Variants in LNP1 observed in about 807,000 individuals in gnomAD.
LNP1 encodes leukemia NUP98 fusion partner 1.
Under a neutral mutation model 14.5 loss-of-function variants are expected in LNP1, and 12 were observed. The observed-to-expected ratio is 0.83, with a 90% CI of 0.53 to 1.34. LNP1 has a LOEUF of 1.34. LNP1 is among the 40% of genes most tolerant of loss of function. The pLI is 0.00. For synonymous variants in LNP1, 75 were observed against 71.4 expected (o/e 1.05, Z -0.26); for missense variants, 198 against 210.9 (o/e 0.94, Z 0.38).
intron 1 of LNP1, among the ~76,000 whole-genome samples, chr3:100,422,241 T>C (rs1232201771): frequency 6.9e-6 from 1 of 145,762 alleles, no homozygotes; most frequent in Non-Finnish European, 1.5e-5. Flanking sequence ...TGGAGTGAAG[T>C]GGCATGATCT....
intron 2 of LNP1, among the ~76,000 whole-genome samples, chr3:100,449,338 T>C (rs1425932996): frequency 6.6e-6 from 1 of 152,224 alleles, no homozygotes; most frequent in African/African-American, 2.4e-5. Flanking sequence ...GTAACTATTT[T>C]AGTAATAAAT....
At chr3:100,435,317 G>T (rs73150369) in intron 2 of LNP1, among the ~76,000 whole-genome samples, 29,350 of 152,038 alleles carry the variant, frequency 0.19, 3,424 homozygotes, top group Non-Finnish European at 0.26. Context: ...CTGGCCTCCC[G>T]TGTTCTTCAT....
At chr3:100,436,472 C>T (rs1469091581) in intron 2 of LNP1, among the ~76,000 whole-genome samples, 5 of 151,772 alleles carry the variant, frequency 3.3e-5, no homozygotes, top group African/African-American at 1.2e-4. Flanking sequence ...AGATGCTTTC[C>T]CTCTCTCTTT....
chr3:100,448,864 C>T (rs1405380727), intron 2 of LNP1, among the ~76,000 whole-genome samples: 2 of 152,016 alleles, frequency 1.3e-5, no homozygotes, highest in South Asian at 2.1e-4. Flanking sequence ...TTCATAAAAC[C>T]GTTTTTTTTC....
At chr3:100,453,690 C>T (rs547184830) in intron 3 of LNP1, among the ~76,000 whole-genome samples, 32 of 152,080 alleles carry the variant, frequency 2.1e-4, no homozygotes, top group Middle Eastern at 3.4e-3. Flanking sequence ...ACAAAGAATT[C>T]CCATACACCC....
At chr3:100,444,768 C>A (rs1208919656) in intron 2 of LNP1, among the ~76,000 whole-genome samples, 2 of 152,152 alleles carry the variant, frequency 1.3e-5, no homozygotes, top group Non-Finnish European at 2.9e-5. Context: ...ATAAAAACTG[C>A]ATGAAGCCAA....
chr3:100,454,916 C>A (rs971607231), intron 3 of LNP1, among the ~76,000 whole-genome samples: 2 of 152,160 alleles, frequency 1.3e-5, no homozygotes, highest in African/African-American at 4.8e-5. Flanking sequence ...CCCAACATTT[C>A]TAGTTCAAAC....
chr3:100,434,259 G>T (rs978446615), intron 2 of LNP1, among the ~76,000 whole-genome samples: 4 of 152,080 alleles, frequency 2.6e-5, no homozygotes, highest in Admixed American at 2.6e-4. Flanking sequence ...GTAAGGAAGG[G>T]GTCCAGTTTC....
chr3:100,426,059 G>T lies in LNP1; in HGVS notation c.-33-3638G>T, dbSNP rs868133877. 1.4e-4 allele frequency among the ~76,000 whole-genome samples: 22 copies of T among 152,270 alleles called. No homozygotes were observed. The Middle Eastern group carries it at 0.01, about 71-fold the overall frequency. On this transcript the variant is annotated intron_variant, in intron 1 of 3. Coordinates refer to ENST00000383693, the MANE Select transcript of LNP1 (RefSeq NM_001085451.2). ...CCTATCTGTCAGGAGTGGATGGAGGGGTCCCACTCTCTGTGATGTGCTCTC... is the reference window on the plus strand; with the variant it reads ...CCTATCTGTCAGGAGTGGATGGAGGTGTCCCACTCTCTGTGATGTGCTCTC...
intron 1 of LNP1, among the ~76,000 whole-genome samples, chr3:100,414,005 G>A (rs1707056526): frequency 6.6e-6 from 1 of 151,736 alleles, no homozygotes; most frequent in Admixed American, 6.6e-5. Context: ...ACCCAATTTT[G>A]TCAAATTTTG....
intron 1 of LNP1, among the ~76,000 whole-genome samples, chr3:100,404,947 C>T (rs1706949106): frequency 6.6e-6 from 1 of 151,980 alleles, no homozygotes; most frequent in African/African-American, 2.4e-5. Context: ...CGCCCGCCAC[C>T]ACACCTGGAT....
chr3:100,431,830 A>C (rs1161933702), intron 2 of LNP1, among the ~76,000 whole-genome samples: 3 of 127,424 alleles, frequency 2.4e-5, no homozygotes, highest in Non-Finnish European at 4.8e-5. Context: ...CCGTCTCTCA[A>C]AAAAAAAAAA....
intron 3 of LNP1, among the ~76,000 whole-genome samples, chr3:100,455,219 A>T (rs1462456327): frequency 6.6e-6 from 1 of 152,196 alleles, no homozygotes; most frequent in African/African-American, 2.4e-5. Flanking sequence ...ATTTAGTGTT[A>T]TATCTCCTGA....
At chr3:100,406,963 ACTTC>A (rs1706974710) in intron 1 of LNP1, among the ~76,000 whole-genome samples, 1 of 152,188 alleles carries the variant, frequency 6.6e-6, no homozygotes, top group South Asian at 2.1e-4. Context: ...CTTTAACTCC[ACTTC>A]CTTTCCTCAA....
intron 1 of LNP1, among the ~76,000 whole-genome samples, chr3:100,404,791 CT>C (rs5851207): frequency 2.7e-3 from 355 of 131,222 alleles, no homozygotes; most frequent in Non-Finnish European, 3.8e-3. Context: ...TTGTGTTATC[CT>C]TTTTTTTTTT....
chr3:100,448,335 T>C (rs1281545112), intron 2 of LNP1, among the ~76,000 whole-genome samples: 2 of 152,216 alleles, frequency 1.3e-5, no homozygotes, highest in Non-Finnish European at 2.9e-5. Flanking sequence ...CCTTACTGCC[T>C]GTGGACTAGA....
At chr3:100,423,824 AGC>A (rs1248137898) in intron 1 of LNP1, among the ~76,000 whole-genome samples, 1 of 152,182 alleles carries the variant, frequency 6.6e-6, no homozygotes, top group Non-Finnish European at 1.5e-5. Context: ...CAGGGTAAAA[AGC>A]GCAGCTCCCT....
At chr3:100,437,524 G>A (rs1209308265) in intron 2 of LNP1, among the ~76,000 whole-genome samples, 1 of 152,200 alleles carries the variant, frequency 6.6e-6, no homozygotes, top group Non-Finnish European at 1.5e-5. Context: ...CCAAAAGGAT[G>A]TACAGTGCAT....
Position 100,429,890 on chromosome 3 carries a change from G to A in LNP1, c.156+5G>A, listed in dbSNP as rs1441997667. Reference sequence around the variant, plus strand: ...AAAACCTCCCTGCCCTGCCCAGTGAGTGATTGTCATGGAACCGGAGGGGAG... The same window carrying A: ...AAAACCTCCCTGCCCTGCCCAGTGAATGATTGTCATGGAACCGGAGGGGAG... On this transcript the variant is annotated splice_donor_5th_base_variant and intron_variant, in intron 2 of 3. Transcript: ENST00000383693. 1.9e-6 allele frequency: 3 copies of A among 1,612,336 alleles called. No homozygotes were observed. The highest frequency in any genetic ancestry group is 2.5e-6 in the Non-Finnish European group (3 of 1,179,254).
Sources: allele counts gnomAD v4.1 joint callset (sites outside exome capture counted in the v4.1 genomes callset), GRCh38; gene constraint gnomAD v4.1.1; transcripts MANE v1.5; gene names NCBI Gene and HGNC (gene_info 2026-07-23, HGNC 2026-07-21).